The following CRYBA1 variants were observed in gnomAD, a reference collection of about 807,000 sequenced individuals.
The protein encoded by CRYBA1 is crystallin beta A1, also known as beta-crystallin A3.
In CRYBA1, 25 loss-of-function variants were observed where a neutral mutation model predicts 36.2. The ratio of observed to expected loss-of-function variants is 0.69; its 90% CI spans 0.50 to 0.97. CRYBA1 has a LOEUF of 0.97. CRYBA1 is among the 50% of genes least tolerant of loss of function. The pLI is 0.00. For synonymous variants in CRYBA1, 111 were observed against 90.0 expected (o/e 1.23, Z -1.32); for missense variants, 224 against 276.3 (o/e 0.81, Z 1.34).
At position 29,254,220 on chromosome 17, in the gene CRYBA1, T is replaced by C. The variant is rs2153009755; in HGVS notation, c.519T>C (p.Tyr173=). 1 of 1,614,214 alleles carries C rather than the reference T, an allele frequency of 6.2e-7. No individual in the cohort carries two copies. The highest frequency in any genetic ancestry group is 8.5e-7 in the Non-Finnish European group (1 of 1,180,030). The change falls in exon 6 of 6, where the codon TAT becomes TAC. Residue 173 remains tyrosine (Y), a synonymous_variant. Coordinates refer to ENST00000225387, the MANE Select transcript of CRYBA1 (RefSeq NM_005208.5). The stretch of plus-strand genomic sequence containing the variant: ...TTCCTAGCTGGGTTTGCTACCAATA[T>C]CCTGGATATCGTGGGTATCAGTATA... The part of the protein sequence containing the change: ...IQSGAWVCYQ[Y]PGYRGYQYIL...
chr17:29,249,274 G>A, intron 2 of CRYBA1, 68 bp downstream of exon 2: 1 of 1,125,390 alleles, frequency 8.9e-7, no homozygotes, highest in East Asian at 2.3e-5. Context: ...CCCCAGGCCT[G>A]TGCTCGTCCA....
chr17:29,250,608 TCAGAACAGCCA>T (rs2068930167), intron 3 of CRYBA1, among the ~76,000 whole-genome samples: 1 of 152,102 alleles, frequency 6.6e-6, no homozygotes. Context: ...TAGGGTGCCC[TCAGAACAGCCA>T]CAAGACCCTT....
intron 2 of CRYBA1, 136 bp downstream of exon 2, chr17:29,249,342 C>A: frequency 1.5e-6 from 1 of 652,420 alleles, no homozygotes; most frequent in South Asian, 1.7e-5. Flanking sequence ...CACACAAGCT[C>A]CAGTGCTGTC....
intron 1 of CRYBA1, among the ~76,000 whole-genome samples, chr17:29,248,670 T>C (rs1312001707): frequency 1.3e-5 from 2 of 151,994 alleles, no homozygotes; most frequent in Non-Finnish European, 2.9e-5. Flanking sequence ...CGGCCTATTA[T>C]TTCTGATCCT....
At position 29,254,430 on chromosome 17, in the gene CRYBA1, C is replaced by T; in HGVS notation, c.*81C>T. ...TCTAGAATAAGTTTTATGTTCTGCT[C>T]ACAGACATTGCTTTCAAATGTTAGC... is the stretch of plus-strand genomic sequence containing the variant. On this transcript the variant is annotated 3_prime_UTR_variant, in exon 6 of 6. Transcript: ENST00000225387. 1 of 1,433,636 alleles carries T rather than the reference C, an allele frequency of 7.0e-7. No individual in the cohort carries two copies. The highest frequency in any genetic ancestry group is 9.8e-7 in the Non-Finnish European group (1 of 1,018,814). 88.8% of individuals were successfully genotyped at this position (1,433,636 alleles called of 1,614,324 possible).
intron 4 of CRYBA1, 92 bp downstream of exon 4, chr17:29,252,297 T>A: frequency 6.5e-7 from 1 of 1,529,176 alleles, no homozygotes; most frequent in Non-Finnish European, 9.0e-7. Context: ...TCATCAGTTA[T>A]GCTGAATGTG....
chr17:29,249,718 A>G (rs1306245724), intron 2 of CRYBA1, among the ~76,000 whole-genome samples: 1 of 152,182 alleles, frequency 6.6e-6, no homozygotes, highest in Non-Finnish European at 1.5e-5. Flanking sequence ...GGCCAGGTCC[A>G]CGAGCCAGGT....
chr17:29,249,115 A>T, intron 1 of CRYBA1, 27 bp from the exon 2 acceptor site: 1 of 1,542,686 alleles, frequency 6.5e-7, no homozygotes, highest in South Asian at 1.1e-5. Flanking sequence ...AAGAGGCCAC[A>T]TCATTCGTGT....
intron 5 of CRYBA1, 145 bp downstream of exon 5, chr17:29,253,927 C>A: frequency 1.7e-6 from 2 of 1,160,664 alleles, no homozygotes; most frequent in Non-Finnish European, 2.5e-6. Flanking sequence ...TTCTTTATAC[C>A]AACTACCACT....
chr17:29,249,281 TC>T, intron 2 of CRYBA1, 75 bp downstream of exon 2: 1 of 1,048,536 alleles, frequency 9.5e-7, no homozygotes, highest in Non-Finnish European at 1.5e-6. Context: ...CCTGTGCTCG[TC>T]CATAAGGCAG....
At position 29,253,610 on chromosome 17, in the gene CRYBA1, A is replaced by G. The variant is rs201967903; in HGVS notation, c.358-30A>G. On this transcript the variant is annotated intron_variant, in intron 4 of 5. Transcript: ENST00000225387. ...GAATGATAGCCATAGCACTAGTACTAAACATTTTAAAACAATTTCTGAATT... is the reference window on the plus strand; with the variant it reads ...GAATGATAGCCATAGCACTAGTACTGAACATTTTAAAACAATTTCTGAATT... 4.4e-6 allele frequency: 7 copies of G among 1,592,208 alleles called. No individual in the cohort carries two copies. In the East Asian group the frequency reaches 6.7e-5, roughly 15 times the overall value.
Position 29,253,796 on chromosome 17 carries a change from C to G in CRYBA1, c.500+14C>G. 1.1e-5 allele frequency: 18 copies of G among 1,614,082 alleles called. No individual in the cohort carries two copies. Among genetic ancestry groups the G allele is most frequent in the Non-Finnish European group, 1.5e-5 (18 of 1,179,994 alleles). ...ACAAAGTGGGGCGTAAGTACAAAAA[C>G]AGGGTTGGAATATACTTCAAAGTAA... is the stretch of plus-strand genomic sequence containing the variant. On this transcript the variant is annotated intron_variant, in intron 5 of 5. Transcript: ENST00000225387.
rs1184049195 is a variant in CRYBA1 at position 29,254,267 on chromosome 17, G to A, written c.566G>A (p.Gly189Glu). The A allele has an allele frequency of 4.3e-6, 7 of 1,613,994 alleles. No homozygotes were observed. In the South Asian group the frequency reaches 6.6e-5, roughly 15 times the overall value. Residue 189 changes from glycine to glutamate, a missense_variant, in exon 6 of 6, where the codon GGA (glycine) becomes GAA (glutamate). Coordinates refer to ENST00000225387, the MANE Select transcript of CRYBA1 (RefSeq NM_005208.5). Reference sequence around the variant, plus strand: ...TATATCTTGGAATGTGACCATCATGGAGGAGACTATAAACATTGGAGAGAG... The same window carrying A: ...TATATCTTGGAATGTGACCATCATGAAGGAGACTATAAACATTGGAGAGAG... ...YQYILECDHH[G>E]GDYKHWREWG...
intron 4 of CRYBA1, among the ~76,000 whole-genome samples, chr17:29,252,598 T>C (rs2153009649): frequency 6.6e-6 from 1 of 152,312 alleles, no homozygotes; most frequent in South Asian, 2.1e-4. Context: ...TAAGTGGGAA[T>C]GACTGACGAA....
In CRYBA1 at chr17:29,251,206, G is replaced by C. The variant is rs1429679622; in HGVS notation, c.216-858G>C. 2.0e-5 allele frequency among the ~76,000 whole-genome samples: 3 copies of C among 152,296 alleles called. No homozygotes were observed. The East Asian group carries it at 5.8e-4, about 29-fold the overall frequency. ...TCTTAAGAAGAAGCCAACAGGTTTG[G>C]CTTGAGCCAAAGCAATAGTCCAGGG... On this transcript the variant is annotated intron_variant, in intron 3 of 5. Coordinates refer to ENST00000225387, the MANE Select transcript of CRYBA1 (RefSeq NM_005208.5).
intron 1 of CRYBA1, among the ~76,000 whole-genome samples, chr17:29,247,997 TC>T (rs2068910809): frequency 6.6e-6 from 1 of 151,780 alleles, no homozygotes; most frequent in Non-Finnish European, 1.5e-5. Context: ...ATGCCTGTAA[TC>T]CCAGCTACTA....
At chr17:29,247,270 C>T (rs1311511255) in intron 1 of CRYBA1, among the ~76,000 whole-genome samples, 2 of 152,202 alleles carry the variant, frequency 1.3e-5, no homozygotes, top group Non-Finnish European at 2.9e-5. Flanking sequence ...GAATATCTGT[C>T]CTAAGAAACC....
chr17:29,253,866 C>A, intron 5 of CRYBA1, 84 bp downstream of exon 5: 1 of 1,486,106 alleles, frequency 6.7e-7, no homozygotes, highest in Non-Finnish European at 9.3e-7. Context: ...AGATTTCATA[C>A]GTATCGGTAT....
At position 29,250,265 on chromosome 17, in the gene CRYBA1, T is replaced by C; in HGVS notation, c.180T>C (p.Phe60=). The C allele has an allele frequency of 6.2e-7, 1 of 1,613,322 alleles. No homozygotes were observed. Among genetic ancestry groups the C allele is most frequent in the Non-Finnish European group, 8.5e-7 (1 of 1,179,218 alleles). Residue 60 remains phenylalanine (F), a synonymous_variant, in exon 3 of 6, where the codon TTT becomes TTC. Transcript: ENST00000225387. ...SSCPNVSERS[F]DNVRSLKVES... The stretch of plus-strand genomic sequence containing the variant: ...GTCCAAATGTCTCTGAGCGCAGTTT[T>C]GATAATGTCCGGTCCCTGAAGGTGG...
Sources: gnomAD v4.1 joint callset for allele counts (sites outside exome capture counted in the v4.1 genomes callset) on GRCh38, gnomAD v4.1.1 for gene constraint, MANE v1.5 for transcripts, NCBI Gene and HGNC (gene_info 2026-07-23, HGNC 2026-07-21) for gene names.